The following GRIK5 variants were observed in gnomAD, a reference collection of about 807,000 sequenced individuals.
The protein encoded by GRIK5 is glutamate ionotropic receptor kainate type subunit 5.
A neutral mutation model predicts 97.4 loss-of-function variants in GRIK5; 43 were observed. The observed-to-expected ratio is 0.44, with a 90% CI of 0.35 to 0.57. The LOEUF (loss-of-function observed/expected upper bound fraction) is 0.57, where lower values mean the gene tolerates loss of function less well. GRIK5 is among the 20% of genes least tolerant of loss of function. The probability of loss-of-function intolerance (pLI) is 0.01; values close to 1 mark genes in which losing one functional copy is unlikely to be tolerated. For synonymous variants in GRIK5, 580 were observed against 583.5 expected (o/e 0.99, Z 0.09); for missense variants, 1,015 against 1,382.0 (o/e 0.73, Z 4.21).
At chr19:42,067,577 C>A (rs2076354362) in intron 1 of GRIK5, among the ~76,000 whole-genome samples, 1 of 152,040 alleles carries the variant, frequency 6.6e-6, no homozygotes, top group African/African-American at 2.4e-5. Flanking sequence ...CATCCTGAGA[C>A]ACCAGGGACT....
chr19:42,067,538 G>C (rs2146194653), intron 1 of GRIK5, among the ~76,000 whole-genome samples: 1 of 152,322 alleles, frequency 6.6e-6, no homozygotes, highest in East Asian at 1.9e-4. Context: ...GAAGGGCGGA[G>C]CTAGGAGAGA....
At chr19:42,046,267 G>C (rs995719988) in intron 11 of GRIK5, among the ~76,000 whole-genome samples, 1 of 152,062 alleles carries the variant, frequency 6.6e-6, no homozygotes, top group African/African-American at 2.4e-5. Context: ...TCAGGACTGG[G>C]GTCTGAGCTT....
chr19:42,054,155 G>A (rs572205626), intron 9 of GRIK5, among the ~76,000 whole-genome samples, 165 bp downstream of exon 9: 27 of 152,246 alleles, frequency 1.8e-4, no homozygotes, highest in Admixed American at 1.4e-3. Flanking sequence ...GAAAGAGAGA[G>A]AGAGAGTAAC....
rs373106480 is a variant in GRIK5 at position 42,036,254 on chromosome 19, G to T, written c.1473+6298C>A. 2.4e-4 allele frequency among the ~76,000 whole-genome samples: 36 copies of T among 152,162 alleles called. 1 individual carries two copies. The highest frequency in any genetic ancestry group is 8.4e-4 in the African/African-American group (35 of 41,512). On this transcript the variant is annotated intron_variant, in intron 12 of 19. Transcript: ENST00000593562. ...TTTTTGTACTTTTAGTAGAGATGGGGTTTCACCATGTTGGCGGGGCTGGTC... is the reference window on the plus strand; with the variant it reads ...TTTTTGTACTTTTAGTAGAGATGGGTTTTCACCATGTTGGCGGGGCTGGTC...
At position 41,998,982 on chromosome 19, in the gene GRIK5, G is replaced by A; in HGVS notation, c.2832C>T (p.Ala944=). 1 of 1,199,052 alleles carries A rather than the reference G, an allele frequency of 8.3e-7. No homozygotes were observed. Among genetic ancestry groups the A allele is most frequent in the Non-Finnish European group, 1.0e-6 (1 of 960,162 alleles). 74.3% of individuals were successfully genotyped at this position (1,199,052 alleles called of 1,614,324 possible). ...CACGCGGAGGCGCGCCGGCCCCCGA[G>A]GCCCGCAGCGCCTGGATGCGCCGGC... is the stretch of plus-strand genomic sequence containing the variant. ...QECRRIQALR[A]SGAGAPPRGL... The change falls in exon 20 of 20, where the codon GCC becomes GCT. Residue 944 remains alanine, a synonymous_variant. Coordinates refer to ENST00000593562, the MANE Select transcript of GRIK5 (RefSeq NM_002088.5).
At chr19:42,051,507 C>T (rs1051101855) in intron 11 of GRIK5, among the ~76,000 whole-genome samples, 10 of 152,216 alleles carry the variant, frequency 6.6e-5, no homozygotes, top group African/African-American at 1.9e-4. Flanking sequence ...ACAACTGAGT[C>T]CTTCAGAGCC....
rs570831238 is a variant in GRIK5, at chr19:42,033,792, G to C, written c.1473+8760C>G. Reference sequence around the variant, plus strand: ...AAGGGAGATGGATCATTTGAGGCAAGGAGTTCAAGACCAGCATGGAAACAA... The same window carrying C: ...AAGGGAGATGGATCATTTGAGGCAACGAGTTCAAGACCAGCATGGAAACAA... On this transcript the variant is annotated intron_variant, in intron 12 of 19. Transcript: ENST00000593562. Among the ~76,000 whole-genome samples, 85 of 152,270 alleles carry C rather than the reference G, an allele frequency of 5.6e-4. 1 individual carries two copies. The highest frequency in any genetic ancestry group is 3.4e-3 in the Middle Eastern group (1 of 294).
At chr19:42,050,553 G>A (rs892326975) in intron 11 of GRIK5, among the ~76,000 whole-genome samples, 2 of 151,064 alleles carry the variant, frequency 1.3e-5, no homozygotes, top group East Asian at 3.9e-4. Context: ...AGCTACTCGG[G>A]ACACTGAGGC....
At chr19:42,026,025 T>C (rs1270780495) in intron 12 of GRIK5, among the ~76,000 whole-genome samples, 1 of 152,182 alleles carries the variant, frequency 6.6e-6, no homozygotes, top group Non-Finnish European at 1.5e-5. Flanking sequence ...GTGTCTTGCT[T>C]TGTTAACTAG....
Position 42,065,455 on chromosome 19 carries a change from A to C in GRIK5, c.80-68T>G. 1.4e-6 allele frequency: 2 copies of C among 1,474,114 alleles called. No individual in the cohort carries two copies. Among genetic ancestry groups the C allele is most frequent in the South Asian group, 2.5e-5 (2 of 78,836 alleles). 91.3% of individuals were successfully genotyped at this position (1,474,114 alleles called of 1,614,324 possible). Reference sequence around the variant, plus strand: ...AGGAAGGAGGGGGCTGTGGTCTTAGACTCCAGGGCTCTAGGGTGAGGTGGG... The same window carrying C: ...AGGAAGGAGGGGGCTGTGGTCTTAGCCTCCAGGGCTCTAGGGTGAGGTGGG... On this transcript the variant is annotated intron_variant, in intron 2 of 19. Coordinates refer to ENST00000593562, the MANE Select transcript of GRIK5 (RefSeq NM_002088.5). This position sits in a 1 kb window ranked among gnomAD's most constrained non-coding sequence, Gnocchi z 5.8.
At chr19:42,009,031 AG>A (rs2075527415) in intron 15 of GRIK5, among the ~76,000 whole-genome samples, 1 of 152,028 alleles carries the variant, frequency 6.6e-6, no homozygotes, top group Admixed American at 6.6e-5. Context: ...CTTTGAGATA[AG>A]CCTGGTCAAC....
In GRIK5 at chr19:42,062,840, G is replaced by A. The variant is rs1414392102; in HGVS notation, c.260C>T (p.Pro87Leu). ...ETTDTMCQIL[P>L]KGVVSVLGPS... ...CCCAAGGACAGACACAACCCCTTTG[G>A]GTAAGATCTGACACACTGCGTGGGA... Residue 87 changes from proline to leucine, a missense_variant, in exon 4 of 20, where the codon CCC becomes CTC. Physicochemically the swap from Pro to Leu is moderately conservative, Grantham distance 98 (BLOSUM62 -3). Coordinates refer to ENST00000593562, the MANE Select transcript of GRIK5 (RefSeq NM_002088.5). The surrounding 1 kb of genome is among the most constrained non-coding windows in gnomAD (Gnocchi z 5.3). The A allele has an allele frequency of 6.2e-7, 1 of 1,613,366 alleles. No individual in the cohort carries two copies. The highest frequency in any genetic ancestry group is 8.5e-7 in the Non-Finnish European group (1 of 1,179,332).
rs893056061 is a variant in GRIK5 at position 42,053,945 on chromosome 19, G to A, written c.1057-16C>T. ...CATACTCTACCTGGCAGGGTGGGGA[G>A]GTGGGGCAGAGGGAGAGTGCAGGGG... On this transcript the variant is annotated splice_polypyrimidine_tract_variant and intron_variant, in intron 9 of 19. Coordinates refer to ENST00000593562, the MANE Select transcript of GRIK5 (RefSeq NM_002088.5). 1.9e-6 allele frequency: 3 copies of A among 1,577,502 alleles called. No individual in the cohort carries two copies. The East Asian group carries it at 6.7e-5, about 35-fold the overall frequency.
At chr19:42,066,798 C>A (rs145422668) in intron 1 of GRIK5, among the ~76,000 whole-genome samples, 1 of 151,768 alleles carries the variant, frequency 6.6e-6, no homozygotes. Flanking sequence ...AGGCGAGACA[C>A]AGGAAGAGGG....
intron 12 of GRIK5, among the ~76,000 whole-genome samples, chr19:42,024,562 G>C (rs2075745613): frequency 6.6e-6 from 1 of 152,110 alleles, no homozygotes; most frequent in South Asian, 2.1e-4. Context: ...TCAGGTGCTT[G>C]GTAATAGGCT....
chr19:42,065,601 G>A lies in GRIK5; in HGVS notation c.79+91C>T. Reference sequence around the variant, plus strand: ...GGATTCCTTGCTGCTGAAGAGAGCTGAGACCTGGACCCTGACGGACTGGCA... The same window carrying A: ...GGATTCCTTGCTGCTGAAGAGAGCTAAGACCTGGACCCTGACGGACTGGCA... On this transcript the variant is annotated intron_variant, in intron 2 of 19. Transcript: ENST00000593562. The surrounding 1 kb of genome is among the most constrained non-coding windows in gnomAD (Gnocchi z 5.8). 11 of 1,174,680 alleles carry A rather than the reference G, an allele frequency of 9.4e-6. No individual in the cohort carries two copies. Among genetic ancestry groups the A allele is most frequent in the Non-Finnish European group, 1.3e-5 (11 of 819,892 alleles). The allele number at this position is 1,174,680 out of a possible 1,614,324, so 72.8% of individuals were successfully genotyped here.
chr19:42,068,962 G>A (rs933634298), intron 1 of GRIK5: 12 of 601,648 alleles, frequency 2.0e-5, no homozygotes, highest in African/African-American at 1.9e-4. Context: ...GGGGCCCGGG[G>A]TAAGTGAGAG....
At position 42,022,549 on chromosome 19, in the gene GRIK5, C is replaced by T; in HGVS notation, c.1474-195G>A. 1 of 985,190 alleles carries T rather than the reference C, an allele frequency of 1.0e-6. No homozygotes were observed. The highest frequency in any genetic ancestry group is 1.2e-6 in the Non-Finnish European group (1 of 829,870). The allele number at this position is 985,190 out of a possible 1,614,324, so 61.0% of individuals were successfully genotyped here. ...CTGAAATCGGACCCTCATCGCATGT[C>T]CATCCTCATCATCTCACGTCTCCAG... is the stretch of plus-strand genomic sequence containing the variant. On this transcript the variant is annotated intron_variant, in intron 12 of 19. Coordinates refer to ENST00000593562, the MANE Select transcript of GRIK5 (RefSeq NM_002088.5). This position sits in a 1 kb window ranked among gnomAD's most constrained non-coding sequence, Gnocchi z 4.2.
intron 12 of GRIK5, among the ~76,000 whole-genome samples, chr19:42,030,612 T>C (rs560936224): frequency 1.9e-3 from 293 of 152,034 alleles, no homozygotes; most frequent in Middle Eastern, 3.4e-3. Context: ...GCATGTGCCA[T>C]GCCCAGCTAA....
Sources: allele counts gnomAD v4.1 joint callset (sites outside exome capture counted in the v4.1 genomes callset), GRCh38; gene constraint gnomAD v4.1.1; non-coding constraint Gnocchi (gnomAD v3.1); transcripts MANE v1.5; gene names NCBI Gene and HGNC (gene_info 2026-07-23, HGNC 2026-07-21).